SASH1: variants seen among roughly 807,000 people sequenced by gnomAD.
The protein encoded by SASH1 is SAM and SH3 domain containing 1.
Under a neutral mutation model 125.2 loss-of-function variants are expected in SASH1, and 44 were observed. The observed-to-expected ratio is 0.35, with a 90% CI of 0.28 to 0.45. The LOEUF is 0.45. SASH1 is among the 20% of genes least tolerant of loss of function. SASH1 has a pLI of 1.00. For missense variants in SASH1, 1,426 were observed against 1,614.5 expected (o/e 0.88, Z 2.00); for synonymous variants, 639 against 649.1 (o/e 0.98, Z 0.24).
chr6:148,288,875 A>T (rs1319766149), intron 1 of SASH1, among the ~76,000 whole-genome samples: 1 of 152,240 alleles, frequency 6.6e-6, no homozygotes, highest in Non-Finnish European at 1.5e-5. Context: ...GTTACCAGAC[A>T]AGACTGGCCA....
the SASH1 span, among the ~76,000 whole-genome samples, chr6:148,230,567 T>C: frequency 0.016 from 2,465 of 152,322 alleles, 82 homozygotes; most frequent in African/African-American, 0.054. Flanking sequence ...TTAGACATTG[T>C]CGAATACTGA....
intron 1 of SASH1, among the ~76,000 whole-genome samples, chr6:148,278,211 AT>A (rs1255124951): frequency 6.6e-6 from 1 of 151,506 alleles, no homozygotes; most frequent in Non-Finnish European, 1.5e-5. Context: ...AATTTTTTGT[AT>A]TTTTAATAGA....
chr6:148,496,196 C>G (rs9498050), intron 8 of SASH1, among the ~76,000 whole-genome samples: 1 of 152,056 alleles, frequency 6.6e-6, no homozygotes, highest in African/African-American at 2.4e-5. Context: ...TCTGAATAAG[C>G]GTTTTGCTTT....
chr6:148,285,867 G>T (rs984018811), intron 1 of SASH1, among the ~76,000 whole-genome samples: 1 of 152,168 alleles, frequency 6.6e-6, no homozygotes, highest in Non-Finnish European at 1.5e-5. Flanking sequence ...AGGTGCCTCA[G>T]ATTCTTTCTG....
chr6:148,491,347 G>T (rs550765926), intron 8 of SASH1, among the ~76,000 whole-genome samples: 1 of 152,292 alleles, frequency 6.6e-6, no homozygotes, highest in Admixed American at 6.5e-5. Flanking sequence ...TCGGCTCACT[G>T]CAACTTCTGC....
chr6:148,468,525 G>A lies in SASH1; in HGVS notation c.387-20G>A. 1.9e-6 allele frequency: 3 copies of A among 1,598,974 alleles called. No homozygotes were observed. Among genetic ancestry groups the A allele is most frequent in the Non-Finnish European group, 2.6e-6 (3 of 1,168,150 alleles). On this transcript the variant is annotated intron_variant, in intron 4 of 19. Coordinates refer to ENST00000367467, the MANE Select transcript of SASH1 (RefSeq NM_015278.5). ...TGAAAGCAAGGCTCTCTGGTAATCT[G>A]ATTTGTTTTTCTTTTCTAGGAACCC...
rs553469126 is a variant in SASH1, at chr6:148,303,725, G to T, written n.74+31348G>T. Among the ~76,000 whole-genome samples, 3 of 151,788 alleles carry T rather than the reference G, an allele frequency of 2.0e-5. No individual in the cohort carries two copies. In the South Asian group the frequency reaches 6.2e-4, roughly 32 times the overall value. On this transcript the variant is annotated intron_variant and non_coding_transcript_variant, in intron 1 of 3. Transcript: ENST00000367469. The stretch of plus-strand genomic sequence containing the variant: ...CAGGAGAATCGCTAGAACTCGGGAG[G>T]TGGAGGTTCCAGTGAGCCAAGATTG...
intron 2 of SASH1, among the ~76,000 whole-genome samples, chr6:148,390,661 G>A (rs1783669257): frequency 6.6e-6 from 1 of 152,036 alleles, no homozygotes; most frequent in Non-Finnish European, 1.5e-5. Context: ...GGTGATGGGT[G>A]CCTGTAGTCC....
intron 2 of SASH1, among the ~76,000 whole-genome samples, chr6:148,409,357 TG>T (rs1473776731): frequency 3.3e-5 from 5 of 152,252 alleles, no homozygotes; most frequent in African/African-American, 1.2e-4. Context: ...CAATATTAAA[TG>T]TAGAAGTTTA....
intron 1 of SASH1, among the ~76,000 whole-genome samples, chr6:148,313,733 A>G (rs1780399816): frequency 6.6e-6 from 1 of 152,168 alleles, no homozygotes; most frequent in Admixed American, 6.6e-5. Flanking sequence ...GTGCGGCTGC[A>G]TGCCGGGTGT....
At chr6:148,436,001 A>G (rs1388230945) in intron 2 of SASH1, among the ~76,000 whole-genome samples, 1 of 152,200 alleles carries the variant, frequency 6.6e-6, no homozygotes, top group Non-Finnish European at 1.5e-5. Flanking sequence ...TCATGAATAA[A>G]TGGTTGCACC....
At chr6:148,234,890 C>G in the SASH1 span, among the ~76,000 whole-genome samples, 279 of 151,890 alleles carry the variant, frequency 1.8e-3, 1 homozygote, top group African/African-American at 6.3e-3. Flanking sequence ...GCTGGAGAAC[C>G]TGGTGGGGTC....
At chr6:148,446,856 A>G (rs1776818677) in intron 4 of SASH1, among the ~76,000 whole-genome samples, 1 of 152,246 alleles carries the variant, frequency 6.6e-6, no homozygotes, top group Non-Finnish European at 1.5e-5. Flanking sequence ...CACACTTACT[A>G]AGAAGCAGTA....
chr6:148,543,655 T>C, intron 17 of SASH1, 25 bp from the exon 18 acceptor site: 1 of 1,512,202 alleles, frequency 6.6e-7, no homozygotes, highest in Admixed American at 2.3e-5. Flanking sequence ...AAAATGTGAT[T>C]GTAAAATATT....
At chr6:148,427,637 A>G (rs17635816) in intron 2 of SASH1, among the ~76,000 whole-genome samples, 6,967 of 152,286 alleles carry the variant, frequency 0.046, 212 homozygotes, top group East Asian at 0.075. Context: ...TTAAAGCAGT[A>G]TACGCCTTGT....
At chr6:148,273,408 C>T (rs766411169) in intron 1 of SASH1, among the ~76,000 whole-genome samples, 2 of 151,050 alleles carry the variant, frequency 1.3e-5, no homozygotes, top group Non-Finnish European at 2.9e-5. Flanking sequence ...ATTCTCCTGC[C>T]TTGGCCTCCT....
chr6:148,282,659 C>T lies in SASH1; in HGVS notation n.74+10282C>T, dbSNP rs1307891210. ...CCTCCCAAAGTCCTGGGGTTACAGA[C>T]GTGAGCCACCACGCCCAGCCTCAGG... On this transcript the variant is annotated intron_variant and non_coding_transcript_variant, in intron 1 of 3. Coordinates refer to the SASH1 transcript ENST00000367469. Among the ~76,000 whole-genome samples the T allele has an allele frequency of 9.9e-5, 15 of 152,232 alleles. No homozygotes were observed. In the South Asian group the frequency reaches 1.7e-3, roughly 17 times the overall value.
intron 4 of SASH1, among the ~76,000 whole-genome samples, chr6:148,456,733 G>A (rs893016673): frequency 4.6e-5 from 7 of 151,784 alleles, no homozygotes; most frequent in African/African-American, 1.2e-4. Context: ...ATGGTGGTGC[G>A]CGCCTGTAGT....
the SASH1 span, among the ~76,000 whole-genome samples, chr6:148,216,980 G>T: frequency 1.3e-5 from 2 of 152,054 alleles, no homozygotes; most frequent in Non-Finnish European, 2.9e-5. Context: ...TCCTGCCTCG[G>T]CTTCCCAGAG....
Sources: allele counts gnomAD v4.1 joint callset (sites outside exome capture counted in the v4.1 genomes callset), GRCh38; gene constraint gnomAD v4.1.1; transcripts MANE v1.5; gene names NCBI Gene and HGNC (gene_info 2026-07-23, HGNC 2026-07-21).